Variants in RTF1 observed in about 807,000 individuals in gnomAD.
RTF1 encodes RTF1 homolog, Paf1/RNA polymerase II complex component.
In RTF1, 10 loss-of-function variants were observed where a neutral mutation model predicts 95.7. The observed-to-expected ratio is 0.10, with a 90% CI of 0.06 to 0.18. The LOEUF is 0.18. Among genes scored for constraint, RTF1 ranks in the 10% least tolerant of loss-of-function variants. RTF1 has a pLI of 1.00. For synonymous variants in RTF1, 305 were observed against 311.8 expected, an observed-to-expected ratio of 0.98 and a Z score of 0.23; for missense variants, 458 against 875.6, an observed-to-expected ratio of 0.52 and a Z score of 6.02.
chr15:41,449,992 T>C (rs562772943), intron 2 of RTF1, among the ~76,000 whole-genome samples: 1 of 151,736 alleles, frequency 6.6e-6, no homozygotes, highest in East Asian at 1.9e-4. Context: ...ACTTAGGAGT[T>C]TGAGACTAGC....
At chr15:41,436,270 T>G (rs1595427614) in intron 1 of RTF1, among the ~76,000 whole-genome samples, 1 of 134,032 alleles carries the variant, frequency 7.5e-6, no homozygotes, top group Admixed American at 8.2e-5. Context: ...GCTAACACAG[T>G]GAAATCCCGT....
intron 2 of RTF1, among the ~76,000 whole-genome samples, chr15:41,442,659 G>GTA (rs2050741630): frequency 1.3e-5 from 2 of 152,064 alleles, no homozygotes; most frequent in Non-Finnish European, 2.9e-5. Flanking sequence ...GCCAAGGCAG[G>GTA]TAGATCACTT....
At chr15:41,447,034 C>T (rs1400582473) in intron 2 of RTF1, among the ~76,000 whole-genome samples, 1 of 152,114 alleles carries the variant, frequency 6.6e-6, no homozygotes, top group Non-Finnish European at 1.5e-5. Flanking sequence ...AACTCCTGAC[C>T]TCAAGTGATC....
chr15:41,450,957 CA>C (rs905997498), intron 2 of RTF1, among the ~76,000 whole-genome samples: 4 of 149,606 alleles, frequency 2.7e-5, no homozygotes, highest in Non-Finnish European at 4.5e-5. Flanking sequence ...GGCTCAAAAA[CA>C]AAAAAAAAGA....
intron 7 of RTF1, among the ~76,000 whole-genome samples, chr15:41,470,893 C>A (rs914176368): frequency 6.6e-6 from 1 of 151,934 alleles, no homozygotes; most frequent in Non-Finnish European, 1.5e-5. Context: ...CTCCTGACCT[C>A]GTGATCCGCC....
At chr15:41,433,091 C>G (rs1299798127) in intron 1 of RTF1, among the ~76,000 whole-genome samples, 1 of 150,596 alleles carries the variant, frequency 6.6e-6, no homozygotes, top group Non-Finnish European at 1.5e-5. Context: ...ACTAAAAATA[C>G]AAAACTATTA....
intron 8 of RTF1, among the ~76,000 whole-genome samples, chr15:41,472,503 G>A (rs117643004): frequency 0.015 from 2,254 of 150,786 alleles, 30 homozygotes; most frequent in Non-Finnish European, 0.023. Flanking sequence ...CACTGAGCCC[G>A]GCCTTATTTT....
At chr15:41,450,564 G>A (rs1403804630) in intron 2 of RTF1, among the ~76,000 whole-genome samples, 27 of 148,914 alleles carry the variant, frequency 1.8e-4, no homozygotes, top group African/African-American at 6.4e-4. Flanking sequence ...CAGCCTGGAC[G>A]ACAGAGTGAG....
chr15:41,468,524 A>G (rs540351276), intron 6 of RTF1, among the ~76,000 whole-genome samples: 18 of 152,102 alleles, frequency 1.2e-4, no homozygotes, highest in South Asian at 4.1e-4. Flanking sequence ...TCACCATGTT[A>G]GCCAGGATGG....
intron 8 of RTF1, among the ~76,000 whole-genome samples, chr15:41,472,137 T>C (rs2050915432): frequency 6.6e-6 from 1 of 151,762 alleles, no homozygotes; most frequent in African/African-American, 2.4e-5. Flanking sequence ...GACCTTGTGA[T>C]CCACCTGCCT....
intron 3 of RTF1, among the ~76,000 whole-genome samples, chr15:41,455,535 T>C (rs893745815): frequency 6.6e-6 from 1 of 152,036 alleles, no homozygotes; most frequent in African/African-American, 2.4e-5. Context: ...CCAGGTGTAG[T>C]GGCTCACGCC....
At chr15:41,468,585 G>A (rs1324061047) in intron 6 of RTF1, among the ~76,000 whole-genome samples, 1 of 152,076 alleles carries the variant, frequency 6.6e-6, no homozygotes, top group Non-Finnish European at 1.5e-5. Flanking sequence ...CCAAAGTGCT[G>A]GGATTACAGG....
At chr15:41,454,163 C>G (rs1203841476) in intron 3 of RTF1, among the ~76,000 whole-genome samples, 3 of 152,136 alleles carry the variant, frequency 2.0e-5, no homozygotes, top group African/African-American at 7.2e-5. Flanking sequence ...ATGGCGCGTT[C>G]TTGGCTCACT....
At chr15:41,462,457 C>G (rs2050854937) in intron 4 of RTF1, among the ~76,000 whole-genome samples, 2 of 152,144 alleles carry the variant, frequency 1.3e-5, no homozygotes, top group African/African-American at 4.8e-5. Flanking sequence ...AAATCACTTT[C>G]TCTTCCTGCC....
At chr15:41,480,173 C>A in intron 16 of RTF1, 41 bp from the exon 17 acceptor site, 2 of 1,283,152 alleles carry the variant, frequency 1.6e-6, no homozygotes, top group Non-Finnish European at 2.3e-6. Context: ...AATCCACTTG[C>A]ATTTATGCTC....
intron 1 of RTF1, among the ~76,000 whole-genome samples, chr15:41,427,944 A>C (rs1290072668): frequency 6.6e-6 from 1 of 151,630 alleles, no homozygotes; most frequent in Admixed American, 6.6e-5. Flanking sequence ...CCGCCACCAC[A>C]CCTGGCTAAT....
In RTF1 at chr15:41,417,179, G is replaced by A; in HGVS notation, c.64G>A (p.Ala22Thr). ...GGCGGCGGCAGTGGCGGTCCCACTG[G>A]CAGGCGGGCAAGAGGGGAGTCCGGG... ...AAAAAVAVPL[A>T]GGQEGSPGGG... The change falls in exon 1 of 18, where the codon GCA becomes ACA. Residue 22 changes from alanine to threonine, a missense_variant. By Grantham distance (58) the Ala-to-Thr change is moderately conservative. This residue lies in a region of RTF1 where 81 missense variants were observed against 59.9 expected (regional missense o/e 1.35). Coordinates refer to ENST00000389629, the MANE Select transcript of RTF1 (RefSeq NM_015138.5). 1 of 1,265,238 alleles carries A rather than the reference G, an allele frequency of 7.9e-7. No individual in the cohort carries two copies. The allele number at this position is 1,265,238 out of a possible 1,614,324, so 78.4% of individuals were successfully genotyped here. A position where few individuals can be genotyped will look rare whatever the true frequency, so the allele number is the denominator to read the frequency against.
At chr15:41,435,318 AGTATATTAGAAAG>A (rs2050696368) in intron 1 of RTF1, among the ~76,000 whole-genome samples, 1 of 151,890 alleles carries the variant, frequency 6.6e-6, no homozygotes, top group African/African-American at 2.4e-5. Context: ...ATATTAGAAA[AGTATATTAGAAAG>A]GATAAAATAT....
At position 41,417,150 on chromosome 15, in the gene RTF1, C is replaced by A; in HGVS notation, c.35C>A (p.Ala12Glu). 3.2e-6 allele frequency: 4 copies of A among 1,259,168 alleles called. No individual in the cohort carries two copies. The highest frequency in any genetic ancestry group is 4.0e-6 in the Non-Finnish European group (4 of 997,954). 78.0% of individuals were successfully genotyped at this position (1,259,168 alleles called of 1,614,324 possible). A position where few individuals can be genotyped will look rare whatever the true frequency, so the allele number is the denominator to read the frequency against. The change falls in exon 1 of 18, where the codon GCG becomes GAG. Residue 12 changes from alanine to glutamate, a missense_variant. This residue lies in a region of RTF1 where 81 missense variants were observed against 59.9 expected (regional missense o/e 1.35). Transcript: ENST00000389629. ...CGCCTTTGTGTGGGTCGAGCAGCGG[C>A]GGCGGCGGCGGCAGTGGCGGTCCCA... ...RGRLCVGRAA[A>E]AAAAVAVPLA...
Sources: allele counts gnomAD v4.1 joint callset (sites outside exome capture counted in the v4.1 genomes callset), GRCh38; gene constraint gnomAD v4.1.1; regional missense constraint gnomAD v4.1.1; transcripts MANE v1.5; gene names NCBI Gene and HGNC (gene_info 2026-07-23, HGNC 2026-07-21).